MGAT4C: variants seen among roughly 807,000 people sequenced by gnomAD.
The protein encoded by MGAT4C is MGAT4 family member C.
Under a neutral mutation model 40.1 loss-of-function variants are expected in MGAT4C, and 19 were observed. The ratio of observed to expected loss-of-function variants is 0.47; its 90% CI spans 0.33 to 0.70. The LOEUF (loss-of-function observed/expected upper bound fraction) is 0.70. MGAT4C is among the 30% of genes least tolerant of loss of function. MGAT4C has a pLI of 0.02. For synonymous variants in MGAT4C, 181 were observed against 187.1 expected (o/e 0.97, Z 0.27); for missense variants, 491 against 563.2 (o/e 0.87, Z 1.30).
chr12:86,039,633 C>G (rs139198002), intron 2 of MGAT4C, among the ~76,000 whole-genome samples: 75 of 152,034 alleles, frequency 4.9e-4, no homozygotes, highest in African/African-American at 1.7e-3. Flanking sequence ...AACCTTTTTT[C>G]AAGGCTCTTA....
intron 4 of MGAT4C, among the ~76,000 whole-genome samples, chr12:86,321,740 T>C (rs1039257383): frequency 1.3e-5 from 2 of 152,114 alleles, no homozygotes; most frequent in Admixed American, 1.3e-4. Context: ...CTGGAGAAGA[T>C]GTGGAGAAAT....
chr12:86,058,808 T>G (rs769766896), intron 1 of MGAT4C, among the ~76,000 whole-genome samples: 2 of 152,182 alleles, frequency 1.3e-5, no homozygotes, highest in Non-Finnish European at 2.9e-5. Context: ...ATTATTTTAT[T>G]TATCTTTTAG....
At chr12:86,547,816 C>T (rs1014265206) in intron 2 of MGAT4C, among the ~76,000 whole-genome samples, 27 of 152,164 alleles carry the variant, frequency 1.8e-4, no homozygotes, top group African/African-American at 6.5e-4. Flanking sequence ...AACATATTCC[C>T]TATTTGTGAA....
chr12:86,779,422 C>T (rs147941748), intron 1 of MGAT4C, among the ~76,000 whole-genome samples: 1 of 151,674 alleles, frequency 6.6e-6, no homozygotes, highest in Admixed American at 6.6e-5. Flanking sequence ...TAGCGAGACC[C>T]CATCTCTACA....
At chr12:86,589,128 A>G (rs984859956) in intron 2 of MGAT4C, among the ~76,000 whole-genome samples, 1 of 152,054 alleles carries the variant, frequency 6.6e-6, no homozygotes, top group African/African-American at 2.4e-5. Flanking sequence ...GTTTTCTGAA[A>G]GGATCAACAA....
chr12:86,404,837 A>G (rs369082143), intron 3 of MGAT4C, among the ~76,000 whole-genome samples: 8 of 152,154 alleles, frequency 5.3e-5, no homozygotes, highest in East Asian at 1.9e-4. Context: ...AAAAATAGAT[A>G]CTTTCTCTTA....
At chr12:86,629,123 G>C (rs1962931277) in intron 2 of MGAT4C, among the ~76,000 whole-genome samples, 1 of 151,888 alleles carries the variant, frequency 6.6e-6, no homozygotes, top group African/African-American at 2.4e-5. Context: ...TGATTAAACA[G>C]ACATTAAAAA....
chr12:86,241,229 AG>A (rs1951770656), intron 1 of MGAT4C, among the ~76,000 whole-genome samples: 1 of 152,194 alleles, frequency 6.6e-6, no homozygotes, highest in Non-Finnish European at 1.5e-5. Flanking sequence ...TGAAACTAAT[AG>A]GAAGTCCTTG....
At chr12:86,436,049 A>G (rs1167371441) in intron 2 of MGAT4C, among the ~76,000 whole-genome samples, 2 of 151,916 alleles carry the variant, frequency 1.3e-5, no homozygotes, top group Admixed American at 1.3e-4. Context: ...TAAGCAATAC[A>G]TTGATCTTAC....
At chr12:86,742,550 G>C (rs1467540065) in intron 1 of MGAT4C, among the ~76,000 whole-genome samples, 1 of 151,394 alleles carries the variant, frequency 6.6e-6, no homozygotes, top group East Asian at 1.9e-4. Context: ...CAGATTCCCA[G>C]AATGAATACA....
intron 4 of MGAT4C, among the ~76,000 whole-genome samples, chr12:86,267,624 G>A (rs772530226): frequency 6.6e-6 from 1 of 152,066 alleles, no homozygotes; most frequent in Non-Finnish European, 1.5e-5. Context: ...CTAGACTGTA[G>A]TAATTCAATA....
At chr12:85,997,806 C>G (rs1886798606) in intron 2 of MGAT4C, among the ~76,000 whole-genome samples, 1 of 152,180 alleles carries the variant, frequency 6.6e-6, no homozygotes, top group South Asian at 2.1e-4. Context: ...CATGGGTTAG[C>G]ATAAAGTGTT....
intron 1 of MGAT4C, among the ~76,000 whole-genome samples, chr12:86,820,522 T>C (rs1315160070): frequency 6.6e-6 from 1 of 150,922 alleles, no homozygotes; most frequent in African/African-American, 2.4e-5. Flanking sequence ...AATTCCAACC[T>C]AATAATTTGC....
chr12:86,049,153 A>G (rs939546680), intron 2 of MGAT4C, among the ~76,000 whole-genome samples: 3 of 152,110 alleles, frequency 2.0e-5, no homozygotes, highest in Non-Finnish European at 4.4e-5. Flanking sequence ...AATAATAAAA[A>G]TTGCTAACTC....
chr12:86,085,359 C>T (rs1349614440), intron 1 of MGAT4C, among the ~76,000 whole-genome samples: 1 of 151,954 alleles, frequency 6.6e-6, no homozygotes, highest in Non-Finnish European at 1.5e-5. Context: ...AATCTTTAAT[C>T]CATCGTAAGT....
At chr12:86,496,185 T>C (rs2136328715) in intron 2 of MGAT4C, among the ~76,000 whole-genome samples, 1 of 151,814 alleles carries the variant, frequency 6.6e-6, no homozygotes, top group South Asian at 2.1e-4. Flanking sequence ...ACCTATAGAG[T>C]GATAAAGACA....
chr12:86,163,351 T>C (rs1885821638), intron 1 of MGAT4C, among the ~76,000 whole-genome samples: 1 of 151,946 alleles, frequency 6.6e-6, no homozygotes, highest in Non-Finnish European at 1.5e-5. Flanking sequence ...ACCACCATGT[T>C]AGGCCAATTT....
At chr12:86,521,244 G>T (rs1958790026) in intron 2 of MGAT4C, among the ~76,000 whole-genome samples, 1 of 152,068 alleles carries the variant, frequency 6.6e-6, no homozygotes, top group South Asian at 2.1e-4. Flanking sequence ...GTTGAGTTTT[G>T]TATATGGTGT....
intron 1 of MGAT4C, among the ~76,000 whole-genome samples, chr12:86,784,958 T>C (rs1951907471): frequency 6.6e-6 from 1 of 152,012 alleles, no homozygotes; most frequent in Admixed American, 6.6e-5. Context: ...TCAGTAATCA[T>C]GCTCTTGGGA....
Sources: gnomAD v4.1 joint callset for allele counts (sites outside exome capture counted in the v4.1 genomes callset) on GRCh38, gnomAD v4.1.1 for gene constraint, MANE v1.5 for transcripts, NCBI Gene and HGNC (gene_info 2026-07-23, HGNC 2026-07-21) for gene names.